The following KCNT2 variants were observed in gnomAD, a reference collection of about 807,000 sequenced individuals.
KCNT2 encodes the protein potassium sodium-activated channel subfamily T member 2, also known as potassium channel subfamily T member 2.
KCNT2 carries 67 observed loss-of-function variants against 153.8 expected under a neutral mutation model. The observed-to-expected ratio is 0.44, with a 90% confidence interval of 0.36 to 0.53. The LOEUF (loss-of-function observed/expected upper bound fraction) is 0.53. KCNT2 is among the 20% of genes least tolerant of loss of function. The pLI, the probability that KCNT2 is intolerant of heterozygous loss-of-function variation, is 0.00. For synonymous variants in KCNT2, 500 were observed against 458.8 expected (o/e 1.09, Z -1.15); for missense variants, 975 against 1,354.8 (o/e 0.72, Z 4.40).
chr1:196,352,262 A>G (rs1464896796), intron 14 of KCNT2, among the ~76,000 whole-genome samples: 1 of 152,030 alleles, frequency 6.6e-6, no homozygotes, highest in African/African-American at 2.4e-5. Context: ...ATTGATTGGA[A>G]TAGTTTCAGA....
At chr1:196,380,904 G>T (rs1304484917) in intron 13 of KCNT2, among the ~76,000 whole-genome samples, 1 of 152,046 alleles carries the variant, frequency 6.6e-6, no homozygotes, top group African/African-American at 2.4e-5. Flanking sequence ...GTGTGCATGC[G>T]TGCGCGTGCA....
chr1:196,288,611 T>C (rs896599622), intron 22 of KCNT2, among the ~76,000 whole-genome samples: 2 of 152,098 alleles, frequency 1.3e-5, no homozygotes, highest in Non-Finnish European at 2.9e-5. Flanking sequence ...TCTACTGTGG[T>C]ATTTGCAGAA....
At chr1:196,328,633 G>GA (rs200329840) in intron 18 of KCNT2, among the ~76,000 whole-genome samples, 3,327 of 118,318 alleles carry the variant, frequency 0.028, 74 homozygotes, top group South Asian at 0.091. Flanking sequence ...AGTGCTAAAA[G>GA]AAAAAAAAAA....
At chr1:196,480,360 C>A (rs1678902569) in intron 4 of KCNT2, among the ~76,000 whole-genome samples, 1 of 151,996 alleles carries the variant, frequency 6.6e-6, no homozygotes, top group African/African-American at 2.4e-5. Flanking sequence ...AATAAGAAAA[C>A]AGATAAAATG....
intron 1 of KCNT2, among the ~76,000 whole-genome samples, chr1:196,520,180 A>G (rs1471279712): frequency 6.6e-6 from 1 of 152,172 alleles, no homozygotes; most frequent in African/African-American, 2.4e-5. Flanking sequence ...GTCATACATC[A>G]CATAAACAGA....
At chr1:196,430,237 TC>T (rs1674019604) in intron 8 of KCNT2, among the ~76,000 whole-genome samples, 1 of 152,012 alleles carries the variant, frequency 6.6e-6, no homozygotes, top group South Asian at 2.1e-4. Flanking sequence ...TGCTGTCCCC[TC>T]CAAAACTCAT....
At chr1:196,315,100 T>C (rs948142952) in intron 21 of KCNT2, among the ~76,000 whole-genome samples, 1 of 151,702 alleles carries the variant, frequency 6.6e-6, no homozygotes, top group Admixed American at 6.6e-5. Flanking sequence ...TATGAAAGTA[T>C]GAAAGTGGAG....
chr1:196,469,117 A>C, intron 5 of KCNT2, 49 bp from the exon 6 acceptor site: 1 of 1,052,920 alleles, frequency 9.5e-7, no homozygotes, highest in Non-Finnish European at 1.4e-6. Flanking sequence ...ACTGCCTCCT[A>C]TTAAAGGGGG....
At chr1:196,511,077 A>G (rs1681575313) in intron 1 of KCNT2, among the ~76,000 whole-genome samples, 1 of 151,562 alleles carries the variant, frequency 6.6e-6, no homozygotes, top group Admixed American at 6.6e-5. Flanking sequence ...AGCACCTAAA[A>G]AAAGTTGAAT....
chr1:196,306,342 A>C (rs911125457), intron 21 of KCNT2, among the ~76,000 whole-genome samples: 13 of 152,102 alleles, frequency 8.5e-5, no homozygotes, highest in Non-Finnish European at 1.8e-4. Context: ...GGAACAAATC[A>C]GCTCCTTCTG....
chr1:196,594,295 G>C (rs1663783805), intron 1 of KCNT2, among the ~76,000 whole-genome samples: 1 of 152,120 alleles, frequency 6.6e-6, no homozygotes, highest in Non-Finnish European at 1.5e-5. Flanking sequence ...ATGTAGAAAA[G>C]ACATTTTCAA....
intron 26 of KCNT2, among the ~76,000 whole-genome samples, chr1:196,243,543 AAC>A (rs372913831): frequency 8.5e-5 from 13 of 152,122 alleles, no homozygotes; most frequent in African/African-American, 3.1e-4. Context: ...GGGAATGGAG[AAC>A]ACAGTGACTG....
rs1446018013 is a variant in KCNT2 at position 196,599,467 on chromosome 1, T to A, written c.95+8748A>T. ...TTCTGGCTTTATATGCAAAGTCCAT[T>A]TCTTACCCATATTTACATACTGTGA... On this transcript the variant is annotated intron_variant, in intron 1 of 27. Coordinates refer to ENST00000294725, the MANE Select transcript of KCNT2 (RefSeq NM_198503.5). Among the ~76,000 whole-genome samples the A allele has an allele frequency of 2.6e-5, 4 of 152,320 alleles. No individual in the cohort carries two copies. In the South Asian group the frequency reaches 8.3e-4, roughly 32 times the overall value.
intron 25 of KCNT2, among the ~76,000 whole-genome samples, chr1:196,269,636 T>C (rs928249349): frequency 3.3e-5 from 5 of 152,156 alleles, no homozygotes; most frequent in Non-Finnish European, 4.4e-5. Flanking sequence ...TATTATCAAC[T>C]AGCTCTTACT....
In KCNT2 at chr1:196,306,625, C is replaced by T. The variant is rs543999265; in HGVS notation, c.2484-1280G>A. ...GGCCTTTCTTAGCCTTCAGACCAGG[C>T]TTCTCTGATTATCTGCCTCTCAGGT... On this transcript the variant is annotated intron_variant, in intron 21 of 27. Coordinates refer to ENST00000294725, the MANE Select transcript of KCNT2 (RefSeq NM_198503.5). Among the ~76,000 whole-genome samples the T allele has an allele frequency of 3.3e-5, 5 of 152,196 alleles. No individual in the cohort carries two copies. The East Asian group carries it at 9.7e-4, about 30-fold the overall frequency.
At chr1:196,269,605 G>C (rs1657877511) in intron 25 of KCNT2, among the ~76,000 whole-genome samples, 1 of 152,050 alleles carries the variant, frequency 6.6e-6, no homozygotes, top group Non-Finnish European at 1.5e-5. Context: ...TCTTTTTCTT[G>C]GAATGAAATG....
chr1:196,272,501 A>G (rs929615283), intron 25 of KCNT2, among the ~76,000 whole-genome samples: 2 of 151,850 alleles, frequency 1.3e-5, no homozygotes, highest in African/African-American at 4.8e-5. Context: ...CCCAATAAAT[A>G]TTTGTAATTC....
Position 196,407,461 on chromosome 1 carries a change from A to C in KCNT2, c.1186-8790T>G, listed in dbSNP as rs540825617. Among the ~76,000 whole-genome samples, 16 of 151,564 alleles carry C rather than the reference A, an allele frequency of 1.1e-4. 1 individual carries two copies. In the South Asian group the frequency reaches 1.9e-3, roughly 18 times the overall value. On this transcript the variant is annotated intron_variant, in intron 12 of 27. Transcript: ENST00000294725. ...GTGATTTTTGAGAATGGTAAGAAAA[A>C]TATTTTTGAAAACAAGTCACTAACC... is the stretch of plus-strand genomic sequence containing the variant.
chr1:196,327,668 C>CTTTT (rs773639795), intron 18 of KCNT2, among the ~76,000 whole-genome samples: 1 of 127,898 alleles, frequency 7.8e-6, no homozygotes, highest in Non-Finnish European at 1.6e-5. Flanking sequence ...ATATTCTGAT[C>CTTTT]TTTTTTTTTT....
Sources: gnomAD v4.1 joint callset for allele counts (sites outside exome capture counted in the v4.1 genomes callset) on GRCh38, gnomAD v4.1.1 for gene constraint, MANE v1.5 for transcripts, NCBI Gene and HGNC (gene_info 2026-07-23, HGNC 2026-07-21) for gene names.